The following SCRG1 variants were observed in gnomAD, a reference collection of about 807,000 sequenced individuals.
SCRG1 encodes the protein scrapie-responsive protein 1.
In SCRG1, 3 loss-of-function variants were observed where a neutral mutation model predicts 7.7. That is an observed-to-expected ratio of 0.39 (90% CI 0.18 to 1.01). The LOEUF (loss-of-function observed/expected upper bound fraction) is 1.01. Ranked by LOEUF, SCRG1 falls within the 50% of genes least tolerant of loss-of-function variation. The pLI is 0.36. For synonymous variants in SCRG1, 46 were observed against 41.2 expected (o/e 1.12, Z -0.44); for missense variants, 110 against 117.2 (o/e 0.94, Z 0.28).
chr4:173,477,787 G>A, the SCRG1 span, among the ~76,000 whole-genome samples: 5 of 130,006 alleles, frequency 3.8e-5, no homozygotes, highest in African/African-American at 6.0e-5. Context: ...TCCTTCCTTC[G>A]AGACAGGATC....
upstream of SCRG1, among the ~76,000 whole-genome samples, chr4:173,408,722 C>T (rs1015625177): frequency 4.8e-4 from 73 of 152,092 alleles, no homozygotes; most frequent in African/African-American, 1.8e-3. Context: ...TGCTAGGCGC[C>T]GTGGCTCACG....
chr4:173,452,190 T>G, the SCRG1 span, among the ~76,000 whole-genome samples: 1 of 151,648 alleles, frequency 6.6e-6, no homozygotes, highest in South Asian at 2.1e-4. Context: ...GAACTGAGAT[T>G]GCACCACTGC....
chr4:173,479,047 T>C, the SCRG1 span, among the ~76,000 whole-genome samples: 1 of 152,204 alleles, frequency 6.6e-6, no homozygotes, highest in Non-Finnish European at 1.5e-5. Flanking sequence ...AGGCCTGGCT[T>C]GTTCGTACAC....
chr4:173,486,169 T>C, the SCRG1 span, among the ~76,000 whole-genome samples: 1 of 152,198 alleles, frequency 6.6e-6, no homozygotes, highest in Non-Finnish European at 1.5e-5. Flanking sequence ...AAAAAGTATG[T>C]TGGGCAGTGT....
the SCRG1 span, among the ~76,000 whole-genome samples, chr4:173,456,509 C>G: frequency 1.2e-4 from 18 of 152,156 alleles, no homozygotes; most frequent in Admixed American, 5.9e-4. Flanking sequence ...TCACCTATAA[C>G]ACACACGTGC....
the SCRG1 span, among the ~76,000 whole-genome samples, chr4:173,417,242 A>C: frequency 3.3e-5 from 5 of 152,148 alleles, no homozygotes; most frequent in African/African-American, 1.2e-4. Context: ...TGGAGAAAAA[A>C]CAAGCATCTA....
At chr4:173,485,814 A>G in the SCRG1 span, among the ~76,000 whole-genome samples, 3 of 152,066 alleles carry the variant, frequency 2.0e-5, no homozygotes, top group Non-Finnish European at 4.4e-5. Flanking sequence ...TACTAAAAAT[A>G]CAAAAATTAG....
the SCRG1 span, among the ~76,000 whole-genome samples, chr4:173,504,497 C>T: frequency 3.9e-5 from 6 of 152,196 alleles, 1 homozygote; most frequent in Admixed American, 3.9e-4. This position sits in a 1 kb window ranked among gnomAD's most constrained non-coding sequence, Gnocchi z 4.7. Context: ...AAAAGAAGCT[C>T]AGAAATATTG....
At chr4:173,419,154 G>A in the SCRG1 span, 1 of 301,904 alleles carries the variant, frequency 3.3e-6, no homozygotes, top group Non-Finnish European at 6.2e-6. Context: ...ATTCTGCAGT[G>A]TACTTCTCCA....
At chr4:173,447,345 A>G in the SCRG1 span, among the ~76,000 whole-genome samples, 2 of 152,160 alleles carry the variant, frequency 1.3e-5, no homozygotes, top group Non-Finnish European at 2.9e-5. Flanking sequence ...ACCTCCAAAT[A>G]CCATCACACT....
chr4:173,402,117 G>A (rs531626015), upstream of SCRG1, among the ~76,000 whole-genome samples: 2 of 152,130 alleles, frequency 1.3e-5, no homozygotes, highest in African/African-American at 2.4e-5. Flanking sequence ...TCTTTGAGAC[G>A]GCCTCAGGAG....
At chr4:173,486,716 G>T in the SCRG1 span, among the ~76,000 whole-genome samples, 2 of 151,928 alleles carry the variant, frequency 1.3e-5, no homozygotes, top group East Asian at 3.9e-4. Context: ...TTATTTTGAG[G>T]AATCTCCTCT....
chr4:173,471,082 A>G, the SCRG1 span, among the ~76,000 whole-genome samples: 1 of 152,226 alleles, frequency 6.6e-6, no homozygotes, highest in Non-Finnish European at 1.5e-5. Context: ...TTTAGAAGTC[A>G]TTACTCCTGG....
At chr4:173,503,141 T>C in the SCRG1 span, among the ~76,000 whole-genome samples, 4 of 152,202 alleles carry the variant, frequency 2.6e-5, no homozygotes, top group African/African-American at 9.6e-5. This position sits in a 1 kb window ranked among gnomAD's most constrained non-coding sequence, Gnocchi z 6.4. Context: ...GGTGTCCACC[T>C]CTCGGTTTAG....
At chr4:173,419,767 A>G in the SCRG1 span, 1,393,682 of 1,417,788 alleles carry the variant, frequency 0.98, 687,239 homozygotes, top group Non-Finnish European at 1. Flanking sequence ...CTGGCTGACC[A>G]TCAATGCTTT....
chr4:173,493,489 G>C, the SCRG1 span, among the ~76,000 whole-genome samples: 3 of 151,920 alleles, frequency 2.0e-5, no homozygotes, highest in Admixed American at 6.6e-5. Context: ...GTGGTGGCGC[G>C]TGCTTGTAGT....
the SCRG1 span, among the ~76,000 whole-genome samples, chr4:173,442,246 T>C: frequency 6.6e-6 from 1 of 152,186 alleles, no homozygotes; most frequent in Non-Finnish European, 1.5e-5. Context: ...TTATTTCTGC[T>C]AGAAAGAAGA....
chr4:173,388,134 C>T lies in SCRG1; in HGVS notation c.*207G>A. 1 of 448,594 alleles carries T rather than the reference C, an allele frequency of 2.2e-6. No individual in the cohort carries two copies. Among genetic ancestry groups the T allele is most frequent in the South Asian group, 5.6e-5 (1 of 17,848 alleles). 27.8% of individuals were successfully genotyped at this position (448,594 alleles called of 1,614,324 possible). A position where few individuals can be genotyped will look rare whatever the true frequency, so the allele number is the denominator to read the frequency against. On this transcript the variant is annotated 3_prime_UTR_variant, in exon 3 of 3. Transcript: ENST00000296506. ...ACATTTTCTAGGCAAAATTTTTAACCAATGCCAACAATGTCCACAGAGAAA... is the reference window on the plus strand; with the variant it reads ...ACATTTTCTAGGCAAAATTTTTAACTAATGCCAACAATGTCCACAGAGAAA...
the SCRG1 span, among the ~76,000 whole-genome samples, chr4:173,478,755 C>T: frequency 6.6e-6 from 1 of 152,126 alleles, no homozygotes; most frequent in African/African-American, 2.4e-5. Flanking sequence ...AATATTCTTG[C>T]AGAAGCCACT....
Sources: allele counts gnomAD v4.1 joint callset (sites outside exome capture counted in the v4.1 genomes callset), GRCh38; gene constraint gnomAD v4.1.1; non-coding constraint Gnocchi (gnomAD v3.1); transcripts MANE v1.5; gene names NCBI Gene and HGNC (gene_info 2026-07-23, HGNC 2026-07-21).